The following PGLYRP4 variants were observed in gnomAD, a reference collection of about 807,000 sequenced individuals.
PGLYRP4 encodes the protein peptidoglycan recognition protein 4, also known as PGRP-I-beta.
PGLYRP4 carries 39 observed loss-of-function variants against 41.2 expected under a neutral mutation model. The observed-to-expected ratio is 0.95, with a 90% CI of 0.73 to 1.24. The LOEUF is 1.24. Ranked by LOEUF, PGLYRP4 falls within the 50% of genes most tolerant of loss-of-function variation. PGLYRP4 has a pLI of 0.00. For missense variants in PGLYRP4, 467 were observed against 460.7 expected (o/e 1.01, Z -0.13); for synonymous variants, 202 against 186.8 (o/e 1.08, Z -0.66).
At chr1:153,339,112 C>T (rs1053229053) in intron 7 of PGLYRP4, among the ~76,000 whole-genome samples, 9 of 152,186 alleles carry the variant, frequency 5.9e-5, no homozygotes, top group African/African-American at 1.7e-4. Flanking sequence ...GAAGAGGATA[C>T]AGTACAAGGT....
chr1:153,337,400 G>C (rs767385235), intron 7 of PGLYRP4, 101 bp from the exon 8 acceptor site: 61 of 708,916 alleles, frequency 8.6e-5, no homozygotes, highest in African/African-American at 5.4e-4. Flanking sequence ...TTCAGACTTT[G>C]ATTATCTATT....
rs1192662864 is a variant in PGLYRP4 at position 153,331,700 on chromosome 1, T to C, written c.944-755A>G. On this transcript the variant is annotated intron_variant, in intron 8 of 8. Coordinates refer to ENST00000359650, the MANE Select transcript of PGLYRP4 (RefSeq NM_020393.4). ...GTGTGGCCCCTGAAGTAGGATGACATGCAAATTCGTGAAGCATTCCATATT... is the reference window on the plus strand; with the variant it reads ...GTGTGGCCCCTGAAGTAGGATGACACGCAAATTCGTGAAGCATTCCATATT... 5.9e-5 allele frequency: 9 copies of C among 152,568 alleles called. No homozygotes were observed. In the East Asian group the frequency reaches 1.7e-3, roughly 29 times the overall value. 9.5% of individuals were successfully genotyped at this position (152,568 alleles called of 1,614,324 possible). A position where few individuals can be genotyped will look rare whatever the true frequency, so the allele number is the denominator to read the frequency against.
rs1660739425 is a variant in PGLYRP4, at chr1:153,340,311, C to T, written c.824+70G>A. On this transcript the variant is annotated intron_variant, in intron 7 of 8. Transcript: ENST00000359650. ...TACCCAGTAAATATTAGTTCCCTTT[C>T]CCCTTCCTTTCAAAGGCTCAGTTTC... 1.1e-5 allele frequency: 15 copies of T among 1,373,892 alleles called. No individual in the cohort carries two copies. The South Asian group carries it at 1.8e-4, about 16-fold the overall frequency. The allele number at this position is 1,373,892 out of a possible 1,614,324, so 85.1% of individuals were successfully genotyped here.
chr1:153,336,045 CGTGTGT>C (rs57345412), intron 8 of PGLYRP4, among the ~76,000 whole-genome samples: 58,441 of 150,058 alleles, frequency 0.39, 11,672 homozygotes, highest in Non-Finnish European at 0.44. Flanking sequence ...AGGGTGCGTG[CGTGTGT>C]GTGTGTGTGT....
rs1391509744 is a variant in PGLYRP4, at chr1:153,330,808, A to AC, written c.1080_1081insG (p.Leu361ValfsTer84). The AC allele has an allele frequency of 6.2e-7, 1 of 1,613,992 alleles. No individual in the cohort carries two copies. Among genetic ancestry groups the AC allele is most frequent in the East Asian group, 2.2e-5 (1 of 44,864 alleles). On this transcript the variant is annotated frameshift_variant, in exon 9 of 9. Transcript: ENST00000359650. LOFTEE classifies it high-confidence loss of function. ...GGCCAGGTGCTGATGATGTTGTACA[A>AC]AGCCTGCCCAGGAGACAAGGTTCGG...
At chr1:153,339,945 A>AGCAC (rs1411433525) in intron 7 of PGLYRP4, among the ~76,000 whole-genome samples, 3 of 152,238 alleles carry the variant, frequency 2.0e-5, no homozygotes, top group Admixed American at 2.0e-4. Flanking sequence ...GCAGAGAAGC[A>AGCAC]GCACGGGTCT....
chr1:153,337,212 G>A lies in PGLYRP4; in HGVS notation c.912C>T (p.Ala304=), dbSNP rs1197884263. 1 of 1,613,628 alleles carries A rather than the reference G, an allele frequency of 6.2e-7. No homozygotes were observed. The highest frequency in any genetic ancestry group is 8.5e-7 in the Non-Finnish European group (1 of 1,179,656). Residue 304 remains alanine, a synonymous_variant, in exon 8 of 9, where the codon GCC becomes GCT. Transcript: ENST00000359650. Reference sequence around the variant, plus strand: ...AGGTGCCCATGAAGGTAATGCCCAGGGCAATGTCATCGTAGCCAGGGGTGG... The same window carrying A: ...AGGTGCCCATGAAGGTAATGCCCAGAGCAATGTCATCGTAGCCAGGGGTGG... ...GSSTPGYDDI[A]LGITFMGTFT...
intron 8 of PGLYRP4, chr1:153,331,734 G>T (rs971916840): frequency 6.6e-6 from 1 of 152,424 alleles, no homozygotes; most frequent in African/African-American, 2.4e-5. Flanking sequence ...TTTGTATGGA[G>T]AAATAAAGTG....
chr1:153,334,867 T>C (rs893378041), intron 8 of PGLYRP4, among the ~76,000 whole-genome samples: 42 of 152,080 alleles, frequency 2.8e-4, no homozygotes, highest in African/African-American at 9.4e-4. Context: ...CATAGATCAA[T>C]GGAACACAAT....
chr1:153,347,073 TTTTG>T (rs566678457), intron 2 of PGLYRP4, among the ~76,000 whole-genome samples: 1,865 of 152,232 alleles, frequency 0.012, 19 homozygotes, highest in Non-Finnish European at 0.014. Flanking sequence ...TTGTTTTGTT[TTTTG>T]TTTGTTTGTT....
intron 8 of PGLYRP4, among the ~76,000 whole-genome samples, chr1:153,334,327 T>C (rs1660453375): frequency 6.6e-6 from 1 of 151,208 alleles, no homozygotes. Flanking sequence ...TATAGATAGA[T>C]AAATACACCT....
chr1:153,343,230 G>C (rs760529774), intron 4 of PGLYRP4, 22 bp from the exon 5 acceptor site: 3 of 1,527,830 alleles, frequency 2.0e-6, no homozygotes, highest in Admixed American at 1.7e-5. Flanking sequence ...GATAATACAG[G>C]TTTCATGGCT....
Position 153,330,667 on chromosome 1 carries a change from A to C in PGLYRP4, c.*100T>G. On this transcript the variant is annotated 3_prime_UTR_variant, in exon 9 of 9. Transcript: ENST00000359650. ...AAAAGGAGGCACAGGACTGTGTGGC[A>C]GGGGAGGAGGGCAAAAGGTGTTGAG... The C allele has an allele frequency of 1.1e-6, 1 of 942,456 alleles. No homozygotes were observed. The highest frequency in any genetic ancestry group is 1.6e-5 in the African/African-American group (1 of 60,966). 58.4% of individuals were successfully genotyped at this position (942,456 alleles called of 1,614,324 possible).
chr1:153,336,168 C>A (rs149170806), intron 8 of PGLYRP4, among the ~76,000 whole-genome samples: 2 of 151,252 alleles, frequency 1.3e-5, no homozygotes, highest in African/African-American at 4.9e-5. Context: ...GTCAGGAGTT[C>A]GAGACAAGTC....
intron 8 of PGLYRP4, among the ~76,000 whole-genome samples, chr1:153,334,061 C>A (rs1229865758): frequency 6.6e-6 from 1 of 151,834 alleles, no homozygotes; most frequent in Non-Finnish European, 1.5e-5. Flanking sequence ...AACAATCATG[C>A]AAGAGAGAGA....
intron 8 of PGLYRP4, among the ~76,000 whole-genome samples, chr1:153,333,812 A>C (rs1415541825): frequency 2.6e-5 from 4 of 152,196 alleles, no homozygotes; most frequent in African/African-American, 9.7e-5. Context: ...TAAAACAAAA[A>C]CTATATAATA....
At chr1:153,334,809 C>T (rs1025272970) in intron 8 of PGLYRP4, among the ~76,000 whole-genome samples, 3 of 152,062 alleles carry the variant, frequency 2.0e-5, no homozygotes, top group African/African-American at 7.2e-5. Context: ...AATTATACTA[C>T]AAGACTATAG....
At chr1:153,337,922 G>A (rs772412914) in intron 7 of PGLYRP4, among the ~76,000 whole-genome samples, 12 of 151,982 alleles carry the variant, frequency 7.9e-5, no homozygotes, top group Non-Finnish European at 1.2e-4. Context: ...CACTCTCTTG[G>A]CTTTCTTCTC....
intron 4 of PGLYRP4, among the ~76,000 whole-genome samples, chr1:153,343,482 A>G (rs1660881092): frequency 6.6e-6 from 1 of 152,192 alleles, no homozygotes; most frequent in East Asian, 1.9e-4. Context: ...AAGAGGTCCT[A>G]GAGGTTCCAT....
Sources: allele counts gnomAD v4.1 joint callset (sites outside exome capture counted in the v4.1 genomes callset), GRCh38; gene constraint gnomAD v4.1.1; transcripts MANE v1.5; gene names NCBI Gene and HGNC (gene_info 2026-07-23, HGNC 2026-07-21).